DHX30: variants seen among roughly 807,000 people sequenced by gnomAD.
DHX30 encodes the protein DExH-box helicase 30.
In DHX30, 4 loss-of-function variants were observed where a neutral mutation model predicts 116.9. That is an observed-to-expected ratio of 0.03 (90% CI 0.02 to 0.08). The LOEUF (loss-of-function observed/expected upper bound fraction) is 0.08, where lower values mean the gene tolerates loss of function less well. Ranked by LOEUF, DHX30 falls within the 10% of genes least tolerant of loss-of-function variation. DHX30 has a pLI of 1.00. For missense variants in DHX30, 871 were observed against 1,595.1 expected (o/e 0.55, Z 7.73); for synonymous variants, 697 against 651.7 (o/e 1.07, Z -1.06).
At chr3:47,834,586 CA>C (rs2037018433) in intron 6 of DHX30, among the ~76,000 whole-genome samples, 1 of 152,134 alleles carries the variant, frequency 6.6e-6, no homozygotes, top group Non-Finnish European at 1.5e-5. Context: ...CCTCCCACCT[CA>C]ACCTCTGGAG....
chr3:47,846,708 A>G lies in DHX30; in HGVS notation c.1636A>G (p.Ser546Gly). 1 of 1,614,038 alleles carries G rather than the reference A, an allele frequency of 6.2e-7. No homozygotes were observed. The highest frequency in any genetic ancestry group is 1.1e-5 in the South Asian group (1 of 91,090). ...GGGTATCCTGCTGCGTAAGCTGCAG[A>G]GCAACCCCAGCCTGGAGGGCGTGAG... ...TVGILLRKLQ[S>G]NPSLEGVSHV... The change falls in exon 11 of 22, where the codon AGC (serine) becomes GGC (glycine). Residue 546 changes from serine to glycine, a missense_variant. This residue lies in a region of DHX30 where 63 missense variants were observed against 180.6 expected (regional missense o/e 0.35). Coordinates refer to ENST00000445061, the MANE Select transcript of DHX30 (RefSeq NM_138615.3).
intron 2 of DHX30, among the ~76,000 whole-genome samples, chr3:47,807,689 G>C (rs945173383): frequency 1.5e-5 from 2 of 135,558 alleles, no homozygotes; most frequent in African/African-American, 5.6e-5. Context: ...TGGTGACAGA[G>C]CGAGACTCTG....
At position 47,849,911 on chromosome 3, in the gene DHX30, C is replaced by T. The variant is rs1226010943; in HGVS notation, c.3376C>T (p.Leu1126=). ...CATCTCACTGAGCGACAGTGACCTGCTGCGGCTGGAGGGTGACTCGCGTAC... is the reference window on the plus strand; with the variant it reads ...CATCTCACTGAGCGACAGTGACCTGTTGCGGCTGGAGGGTGACTCGCGTAC... ...ATISLSDSDL[L]RLEGDSRTVR... The change falls in exon 22 of 22, where the codon CTG becomes TTG. Residue 1126 remains leucine (L), a synonymous_variant. Coordinates refer to ENST00000445061, the MANE Select transcript of DHX30 (RefSeq NM_138615.3). The T allele has an allele frequency of 6.2e-7, 1 of 1,613,436 alleles. No homozygotes were observed. Among genetic ancestry groups the T allele is most frequent in the Non-Finnish European group, 8.5e-7 (1 of 1,179,826 alleles).
rs1393078994 is a variant in DHX30, at chr3:47,826,475, C to T, written c.125-872C>T. ...TTTTTTTTTTTTTGAGATGGAGTTT[C>T]ACTCTTGTTGCCCAGGCTGGATTGC... is the stretch of plus-strand genomic sequence containing the variant. On this transcript the variant is annotated intron_variant, in intron 4 of 21. Coordinates refer to ENST00000445061, the MANE Select transcript of DHX30 (RefSeq NM_138615.3). Among the ~76,000 whole-genome samples, 4 of 127,804 alleles carry T rather than the reference C, an allele frequency of 3.1e-5. No individual in the cohort carries two copies. In the Admixed American group the frequency reaches 3.7e-4, roughly 12 times the overall value. 83.8% of individuals were successfully genotyped at this position (127,804 alleles called of 152,430 possible).
chr3:47,846,197 A>G lies in DHX30; in HGVS notation c.1125A>G (p.Glu375=). 1 of 1,613,744 alleles carries G rather than the reference A, an allele frequency of 6.2e-7. No individual in the cohort carries two copies. The highest frequency in any genetic ancestry group is 8.5e-7 in the Non-Finnish European group (1 of 1,179,982). Residue 375 remains glutamate, a synonymous_variant, in exon 11 of 22, where the codon GAA becomes GAG. Coordinates refer to ENST00000445061, the MANE Select transcript of DHX30 (RefSeq NM_138615.3). The part of the protein sequence containing the change: ...YPVESSWIAP[E]LRLQSDDILP... ...TGGAGAGTTCATGGATCGCCCCAGA[A>G]CTCCGGCTGCAGAGTGATGACATCT...
At chr3:47,835,756 C>G (rs1285316936) in intron 6 of DHX30, among the ~76,000 whole-genome samples, 1 of 152,182 alleles carries the variant, frequency 6.6e-6, no homozygotes, top group Non-Finnish European at 1.5e-5. Flanking sequence ...TTTGGGTTTT[C>G]TATATATAAG....
At chr3:47,810,528 G>A (rs1460896103) in intron 2 of DHX30, 129 bp from the exon 3 acceptor site, 1 of 697,880 alleles carries the variant, frequency 1.4e-6, no homozygotes, top group Non-Finnish European at 2.5e-6. Context: ...AGCAGCAGTT[G>A]GGGCTCATTA....
In DHX30 at chr3:47,848,601, T is replaced by C. The variant is rs1250000204; in HGVS notation, c.2576-23T>C. On this transcript the variant is annotated intron_variant, in intron 16 of 21. Transcript: ENST00000445061. The surrounding 1 kb of genome is among the most constrained non-coding windows in gnomAD (Gnocchi z 9.4). ...GCTGGGGAGTGGCTCTCGAGGGTGGTACTGACAGCTGAGCCGTTGCAGGGG... is the reference window on the plus strand; with the variant it reads ...GCTGGGGAGTGGCTCTCGAGGGTGGCACTGACAGCTGAGCCGTTGCAGGGG... The C allele has an allele frequency of 6.2e-7, 1 of 1,613,832 alleles. No individual in the cohort carries two copies. Among genetic ancestry groups the C allele is most frequent in the East Asian group, 2.2e-5 (1 of 44,854 alleles).
At chr3:47,822,053 G>C (rs2036323164) in intron 4 of DHX30, 1 of 152,246 alleles carries the variant, frequency 6.6e-6, no homozygotes, top group South Asian at 2.1e-4. Context: ...AAATAACATA[G>C]TAAATGAGTG....
In DHX30 at chr3:47,847,106, G is replaced by A. The variant is rs2107137765; in HGVS notation, c.1929+105G>A. On this transcript the variant is annotated intron_variant, in intron 11 of 21. Transcript: ENST00000445061. The surrounding 1 kb of genome is among the most constrained non-coding windows in gnomAD (Gnocchi z 5.5). ...TGCCTGGGGCAAGTTACCCTCCCCA[G>A]TCCTCGGTTTCCTTGATAGAAACTG... The A allele has an allele frequency of 6.7e-7, 1 of 1,501,582 alleles. No homozygotes were observed. The highest frequency in any genetic ancestry group is 2.3e-5 in the East Asian group (1 of 43,936). The allele number at this position is 1,501,582 out of a possible 1,614,324, so 93.0% of individuals were successfully genotyped here.
chr3:47,803,506 C>G (rs1182918104), intron 1 of DHX30, among the ~76,000 whole-genome samples: 1 of 151,592 alleles, frequency 6.6e-6, no homozygotes, highest in Admixed American at 6.6e-5. Flanking sequence ...CCGCGGAGGC[C>G]GTGGGAGAGG....
intron 10 of DHX30, 82 bp downstream of exon 10, chr3:47,845,934 C>T: frequency 6.6e-7 from 1 of 1,524,190 alleles, no homozygotes. Context: ...CCACCTGCGA[C>T]AGGCAGTAGT....
chr3:47,832,994 A>G lies in DHX30; in HGVS notation c.366+3860A>G, dbSNP rs1221277193. 2.4e-5 allele frequency among the ~76,000 whole-genome samples: 3 copies of G among 125,032 alleles called. No individual in the cohort carries two copies. The East Asian group carries it at 7.0e-4, about 29-fold the overall frequency. 82.0% of individuals were successfully genotyped at this position (125,032 alleles called of 152,430 possible). On this transcript the variant is annotated intron_variant, in intron 6 of 21. Coordinates refer to ENST00000445061, the MANE Select transcript of DHX30 (RefSeq NM_138615.3). The stretch of plus-strand genomic sequence containing the variant: ...GAGATGGTGTCCCGCTATGTTGTCT[A>G]GGCTGGTCTTGAACTTCTGGGCTCC...
At chr3:47,807,330 G>A (rs184314477) in intron 2 of DHX30, among the ~76,000 whole-genome samples, 9 of 152,058 alleles carry the variant, frequency 5.9e-5, no homozygotes, top group Non-Finnish European at 7.4e-5. Context: ...TCATAGTATC[G>A]TTTTTTTAGA....
chr3:47,810,565 C>T, intron 2 of DHX30, 92 bp from the exon 3 acceptor site: 2 of 1,034,868 alleles, frequency 1.9e-6, no homozygotes, highest in South Asian at 1.4e-5. Context: ...TTTTCATTTT[C>T]TGAACAGTGC....
chr3:47,849,099 G>A lies in DHX30; in HGVS notation c.2929+20G>A, dbSNP rs201953329. On this transcript the variant is annotated intron_variant, in intron 18 of 21. Transcript: ENST00000445061. ...TCCACGGTCAGTCGGGCCCACACCT[G>A]CTCTCCTGAGCCCCTCCCACCCCCA... The A allele has an allele frequency of 1.3e-4, 212 of 1,610,140 alleles. No individual in the cohort carries two copies. The African/African-American group carries it at 2.5e-3, about 19-fold the overall frequency.
intron 6 of DHX30, among the ~76,000 whole-genome samples, chr3:47,839,824 C>T (rs2037286812): frequency 6.6e-6 from 1 of 151,608 alleles, no homozygotes; most frequent in Non-Finnish European, 1.5e-5. Context: ...TACAGGTGCC[C>T]ACCACCACGC....
chr3:47,849,512 C>G lies in DHX30; in HGVS notation c.3149C>G (p.Thr1050Ser), dbSNP rs779901757. 6.2e-7 allele frequency: 1 copy of G among 1,602,916 alleles called. No homozygotes were observed. Among genetic ancestry groups the G allele is most frequent in the South Asian group, 1.1e-5 (1 of 90,288 alleles). ...KFKPNSVTYR[T>S]KSGNILLHKS... Reference sequence around the variant, plus strand: ...AAGCCCAACAGCGTCACATATAGGACCAAATCAGGCAACATCCTGCTGCAC... The same window carrying G: ...AAGCCCAACAGCGTCACATATAGGAGCAAATCAGGCAACATCCTGCTGCAC... The change falls in exon 20 of 22, where the codon ACC becomes AGC. Residue 1050 changes from threonine to serine, a missense_variant. By Grantham distance (58) the Thr-to-Ser change is moderately conservative. This residue lies in a region of DHX30 where 238 missense variants were observed against 481.0 expected (regional missense o/e 0.49). Transcript: ENST00000445061.
intron 6 of DHX30, among the ~76,000 whole-genome samples, chr3:47,839,338 A>G (rs930251008): frequency 1.6e-5 from 2 of 128,082 alleles, no homozygotes; most frequent in African/African-American, 6.2e-5. Context: ...CTTGTTACCC[A>G]GGCTGGAGTG....
Sources: allele counts gnomAD v4.1 joint callset (sites outside exome capture counted in the v4.1 genomes callset), GRCh38; gene constraint gnomAD v4.1.1; regional missense constraint gnomAD v4.1.1; non-coding constraint Gnocchi (gnomAD v3.1); transcripts MANE v1.5; gene names NCBI Gene and HGNC (gene_info 2026-07-23, HGNC 2026-07-21).